Variants in CTIF observed in about 807,000 individuals in gnomAD.
The protein encoded by CTIF is CBP80/20-dependent translation initiation factor.
Under a neutral mutation model 66.0 loss-of-function variants are expected in CTIF, and 21 were observed. That is an observed-to-expected ratio of 0.32 (90% CI 0.23 to 0.46). The LOEUF (loss-of-function observed/expected upper bound fraction) is 0.46, where lower values mean the gene tolerates loss of function less well. Among genes scored for constraint, CTIF ranks in the 20% least tolerant of loss-of-function variants. CTIF has a pLI of 1.00. For synonymous variants in CTIF, 345 were observed against 326.4 expected (o/e 1.06, Z -0.62); for missense variants, 739 against 812.7 (o/e 0.91, Z 1.10).
intron 6 of CTIF, among the ~76,000 whole-genome samples, chr18:48,705,506 G>A (rs4939556): frequency 0.93 from 142,281 of 152,366 alleles, 66,537 homozygotes; most frequent in East Asian, 1. Flanking sequence ...ATAAAGTCAC[G>A]TTCACAGGTG....
In CTIF at chr18:48,761,719, C is replaced by T. The variant is rs748075250; in HGVS notation, c.1371+30C>T. 9 of 1,586,982 alleles carry T rather than the reference C, an allele frequency of 5.7e-6. No homozygotes were observed. Among genetic ancestry groups the T allele is most frequent in the African/African-American group, 4.0e-5 (3 of 74,502 alleles). ...CTGGACGCCGGCCACCACCGCCCCG[C>T]GCCCCCTGCCCCTCTGCGTTCGGTG... On this transcript the variant is annotated intron_variant, in intron 9 of 11. Transcript: ENST00000256413. This position sits in a 1 kb window ranked among gnomAD's most constrained non-coding sequence, Gnocchi z 4.2.
intron 1 of CTIF, among the ~76,000 whole-genome samples, chr18:48,592,098 T>G (rs117326233): frequency 2.0e-5 from 3 of 152,206 alleles, no homozygotes; most frequent in Non-Finnish European, 4.4e-5. Flanking sequence ...ATCTGTGGGT[T>G]TTAGGAGCAG....
intron 1 of CTIF, among the ~76,000 whole-genome samples, chr18:48,576,509 C>G (rs2089535193): frequency 6.6e-6 from 1 of 152,242 alleles, no homozygotes; most frequent in Non-Finnish European, 1.5e-5. Context: ...TGAGAGTCCT[C>G]TTTCTATGCG....
intron 1 of CTIF, among the ~76,000 whole-genome samples, chr18:48,555,681 G>A (rs918012715): frequency 1.3e-5 from 2 of 152,196 alleles, no homozygotes; most frequent in South Asian, 2.1e-4. Context: ...ATAAGGTTTG[G>A]TGCTCACCTT....
Position 48,604,168 on chromosome 18 carries a change from G to GTTTT in CTIF, c.-28-15347_-28-15344dup, listed in dbSNP as rs34544217. 3.7e-3 allele frequency among the ~76,000 whole-genome samples: 232 copies of GTTTT among 63,286 alleles called. 38 individuals are homozygous for GTTTT. Among genetic ancestry groups the GTTTT allele is most frequent in the South Asian group, 0.011 (13 of 1,136 alleles). The allele number at this position is 63,286 out of a possible 152,430, so 41.5% of individuals were successfully genotyped here. On this transcript the variant is annotated intron_variant, in intron 1 of 11. Transcript: ENST00000256413. ...TGACTCCGTGATTTTTTTTTTAAGG[G>GTTTT]TTTTTTTTTTTTTTTTTTTTTTTTT... is the stretch of plus-strand genomic sequence containing the variant.
At chr18:48,663,643 C>T in intron 3 of CTIF, 109 bp from the exon 4 acceptor site, 1 of 961,354 alleles carries the variant, frequency 1.0e-6, no homozygotes, top group Non-Finnish European at 1.7e-6. Context: ...AGCCACCATA[C>T]TCACTTGGGG....
Position 48,761,245 on chromosome 18 carries a change from G to A in CTIF, c.1072-145G>A, listed in dbSNP as rs1259799356. 1 of 719,944 alleles carries A rather than the reference G, an allele frequency of 1.4e-6. No homozygotes were observed. Among genetic ancestry groups the A allele is most frequent in the African/African-American group, 1.8e-5 (1 of 56,250 alleles). 44.6% of individuals were successfully genotyped at this position (719,944 alleles called of 1,614,324 possible). On this transcript the variant is annotated intron_variant, in intron 8 of 11. Coordinates refer to ENST00000256413, the MANE Select transcript of CTIF (RefSeq NM_014772.3). This position sits in a 1 kb window ranked among gnomAD's most constrained non-coding sequence, Gnocchi z 4.2. Reference sequence around the variant, plus strand: ...TGGCGCATGAGGGGTCTTTGGTGGAGGTTCCCAGAGGGACCAGCCCTCAGA... The same window carrying A: ...TGGCGCATGAGGGGTCTTTGGTGGAAGTTCCCAGAGGGACCAGCCCTCAGA...
rs1908567344 is a variant in CTIF at position 48,758,051 on chromosome 18, C to T, written c.717C>T (p.Pro239=). ...CAGCACCCCACCCCTCAGGGAGGCC[C>T]ACTCACCATGGCTACAGCCAGAACC... The part of the protein sequence containing the change: ...GGSAPHPSGR[P]THHGYSQNRR... Residue 239 remains proline (P), a synonymous_variant, in exon 8 of 12, where the codon CCC becomes CCT. Transcript: ENST00000256413. 4 of 1,614,052 alleles carry T rather than the reference C, an allele frequency of 2.5e-6. No homozygotes were observed. The East Asian group carries it at 8.9e-5, about 36-fold the overall frequency.
chr18:48,744,237 G>T (rs1215710182), intron 7 of CTIF, among the ~76,000 whole-genome samples: 1 of 152,154 alleles, frequency 6.6e-6, no homozygotes. Context: ...ACGGTGAGGG[G>T]TCTCTGCAGT....
chr18:48,772,831 A>T (rs1910301127), intron 9 of CTIF, among the ~76,000 whole-genome samples: 1 of 152,172 alleles, frequency 6.6e-6, no homozygotes, highest in South Asian at 2.1e-4. Flanking sequence ...CCTGCTTTTG[A>T]TTCTTTGGGG....
At chr18:48,851,878 G>A (rs538582506) in intron 10 of CTIF, among the ~76,000 whole-genome samples, 1 of 151,674 alleles carries the variant, frequency 6.6e-6, no homozygotes, top group East Asian at 1.9e-4. Flanking sequence ...TTATTTTAAG[G>A]ATTTTTTTTT....
In CTIF at chr18:48,659,108, A is replaced by G. The variant is rs569405523; in HGVS notation, c.253-4644A>G. ...CTATTTCTCCAGCCCCTGTTGATGA[A>G]AGTTTGCCTTTAGTGGTTATATGCC... On this transcript the variant is annotated intron_variant, in intron 3 of 11. Coordinates refer to ENST00000256413, the MANE Select transcript of CTIF (RefSeq NM_014772.3). Among the ~76,000 whole-genome samples, 3 of 152,118 alleles carry G rather than the reference A, an allele frequency of 2.0e-5. No homozygotes were observed. In the South Asian group the frequency reaches 6.2e-4, roughly 32 times the overall value.
chr18:48,798,124 G>C (rs1446603609), intron 9 of CTIF, among the ~76,000 whole-genome samples: 1 of 152,244 alleles, frequency 6.6e-6, no homozygotes. Context: ...TCCTTCTGCA[G>C]ACCTGTGAGG....
chr18:48,763,686 C>T (rs1568198594), intron 9 of CTIF, among the ~76,000 whole-genome samples: 2 of 152,174 alleles, frequency 1.3e-5, no homozygotes, highest in East Asian at 1.9e-4. Context: ...TCCGTTGGAG[C>T]TTGGCCTCTA....
intron 6 of CTIF, among the ~76,000 whole-genome samples, chr18:48,684,069 A>ACCTT (rs2091793740): frequency 6.6e-6 from 1 of 152,246 alleles, no homozygotes; most frequent in Non-Finnish European, 1.5e-5. Context: ...CTATTGGAGC[A>ACCTT]AATGACCTCA....
intron 6 of CTIF, among the ~76,000 whole-genome samples, chr18:48,708,468 T>C (rs2092186606): frequency 6.6e-6 from 1 of 152,122 alleles, no homozygotes; most frequent in Admixed American, 6.5e-5. Context: ...GTGCCCCCCA[T>C]TGCATGCAGG....
In CTIF at chr18:48,758,300, G is replaced by T. The variant is rs370698446; in HGVS notation, c.966G>T (p.Glu322Asp). 1 of 1,613,268 alleles carries T rather than the reference G, an allele frequency of 6.2e-7. No homozygotes were observed. The highest frequency in any genetic ancestry group is 8.5e-7 in the Non-Finnish European group (1 of 1,179,976). ...AGCAGTCAGGGGGGCCAGAGGTTGA[G>T]ACAAAACGTAAAGACAGTATTCTTC... ...PPQQSGGPEV[E>D]TKRKDSILPE... The change falls in exon 8 of 12, where the codon GAG becomes GAT. Residue 322 changes from glutamate to aspartate, a missense_variant. Transcript: ENST00000256413.
intron 6 of CTIF, among the ~76,000 whole-genome samples, chr18:48,685,913 G>A (rs2091833639): frequency 6.6e-6 from 1 of 151,840 alleles, no homozygotes; most frequent in African/African-American, 2.4e-5. Flanking sequence ...CTGACCTCAG[G>A]TGATACACCC....
chr18:48,614,024 G>A (rs541023905), intron 1 of CTIF, among the ~76,000 whole-genome samples: 6 of 152,198 alleles, frequency 3.9e-5, no homozygotes, highest in Non-Finnish European at 5.9e-5. Context: ...GGGGAGAGGC[G>A]TGTCTTTTGT....
Sources: allele counts gnomAD v4.1 joint callset (sites outside exome capture counted in the v4.1 genomes callset), GRCh38; gene constraint gnomAD v4.1.1; non-coding constraint Gnocchi (gnomAD v3.1); transcripts MANE v1.5; gene names NCBI Gene and HGNC (gene_info 2026-07-23, HGNC 2026-07-21).